CNTN4: variants seen among roughly 807,000 people sequenced by gnomAD.
CNTN4 encodes the protein contactin 4.
Under a neutral mutation model 122.5 loss-of-function variants are expected in CNTN4, and 77 were observed. That is an observed-to-expected ratio of 0.63 (90% CI 0.52 to 0.76). The LOEUF (loss-of-function observed/expected upper bound fraction) is 0.76, where lower values mean the gene tolerates loss of function less well. Among genes scored for constraint, CNTN4 ranks in the 30% least tolerant of loss-of-function variants. CNTN4 has a pLI of 0.00. For synonymous variants in CNTN4, 512 were observed against 447.0 expected (o/e 1.15, Z -1.83); for missense variants, 1,256 against 1,259.1 (o/e 1.00, Z 0.04).
intron 6 of CNTN4, among the ~76,000 whole-genome samples, chr3:2,761,180 T>C (rs1462486422): frequency 6.6e-6 from 1 of 152,208 alleles, no homozygotes; most frequent in Non-Finnish European, 1.5e-5. Flanking sequence ...GCGGTTTTTC[T>C]ATCTCTACCA....
chr3:2,461,848 G>C (rs2049222794), intron 3 of CNTN4, among the ~76,000 whole-genome samples: 2 of 152,174 alleles, frequency 1.3e-5, no homozygotes, highest in South Asian at 2.1e-4. Context: ...CTGAGACCAA[G>C]TTGCTTAGGG....
rs1373423471 is a variant in CNTN4, at chr3:2,244,323, ACT to A, written c.-144-94854_-144-94853del. Among the ~76,000 whole-genome samples, 6 of 152,178 alleles carry A rather than the reference ACT, an allele frequency of 3.9e-5. No individual in the cohort carries two copies. In the East Asian group the frequency reaches 1.2e-3, roughly 29 times the overall value. On this transcript the variant is annotated intron_variant, in intron 2 of 24. Coordinates refer to ENST00000418658, the MANE Select transcript of CNTN4 (RefSeq NM_175607.3). ...TTTGGACTGTGGGTGACCACAGGTA[ACT>A]GAAGCTGTGGAAAGCAAAACCATGA...
rs116682494 is a variant in CNTN4, at chr3:2,210,673, A to C, written c.-145+110034A>C. ...GGGATTTACAGTCCAATGCAGCAAG[A>C]GTGAGAGTCTCAACTTTGCTTCACT... On this transcript the variant is annotated intron_variant, in intron 2 of 24. Coordinates refer to ENST00000418658, the MANE Select transcript of CNTN4 (RefSeq NM_175607.3). 1.8e-3 allele frequency among the ~76,000 whole-genome samples: 275 copies of C among 152,320 alleles called. 1 individual carries two copies. The highest frequency in any genetic ancestry group is 6.1e-3 in the African/African-American group (254 of 41,574).
At chr3:2,501,019 C>T (rs1257372218) in intron 3 of CNTN4, among the ~76,000 whole-genome samples, 1 of 152,044 alleles carries the variant, frequency 6.6e-6, no homozygotes, top group African/African-American at 2.4e-5. Context: ...TATTTTATAT[C>T]TTTCAGGTTC....
intron 8 of CNTN4, among the ~76,000 whole-genome samples, chr3:2,873,926 A>T (rs1402494832): frequency 6.6e-6 from 1 of 152,180 alleles, no homozygotes; most frequent in Non-Finnish European, 1.5e-5. Context: ...TCTAATTGCA[A>T]CCTTTGTGTG....
At chr3:3,042,780 C>G in intron 21 of CNTN4, 197 bp from the exon 22 acceptor site, 1 of 617,134 alleles carries the variant, frequency 1.6e-6, no homozygotes, top group Non-Finnish European at 2.9e-6. Flanking sequence ...CACTAGGAAG[C>G]TAAGGACAAA....
intron 3 of CNTN4, among the ~76,000 whole-genome samples, chr3:2,352,813 C>A (rs947955125): frequency 1.3e-5 from 2 of 152,190 alleles, no homozygotes; most frequent in Non-Finnish European, 2.9e-5. Flanking sequence ...ATCTACTAGG[C>A]GAAGCCAGCT....
At chr3:2,268,348 A>G (rs964060702) in intron 2 of CNTN4, among the ~76,000 whole-genome samples, 2 of 152,140 alleles carry the variant, frequency 1.3e-5, no homozygotes, top group Non-Finnish European at 2.9e-5. Context: ...ATGCTTTTCA[A>G]TATCTAGTAT....
intron 3 of CNTN4, among the ~76,000 whole-genome samples, chr3:2,511,147 G>T (rs776000678): frequency 6.6e-6 from 1 of 152,082 alleles, no homozygotes; most frequent in Non-Finnish European, 1.5e-5. Context: ...CAGACAAACC[G>T]AATCATAGGG....
chr3:2,994,831 G>T (rs1404873333), intron 14 of CNTN4, among the ~76,000 whole-genome samples: 2 of 152,028 alleles, frequency 1.3e-5, no homozygotes, highest in Non-Finnish European at 2.9e-5. Flanking sequence ...AACTGTTCAA[G>T]GCTTTATACA....
chr3:2,895,478 C>T (rs758531905), intron 10 of CNTN4, among the ~76,000 whole-genome samples: 7 of 152,148 alleles, frequency 4.6e-5, no homozygotes, highest in Non-Finnish European at 1.0e-4. Flanking sequence ...GAGTTGCCTT[C>T]TAGTGTATCT....
intron 23 of CNTN4, among the ~76,000 whole-genome samples, chr3:3,050,763 C>CAAAAAAAAAAAAAAA (rs1184756504): frequency 2.4e-5 from 2 of 85,038 alleles, no homozygotes; most frequent in African/African-American, 5.5e-5. Flanking sequence ...AACTCCGTCT[C>CAAAAAAAAAAAAAAA]AAAAAAAAAA....
At chr3:3,028,725 TTAA>T (rs1251092602) in intron 15 of CNTN4, among the ~76,000 whole-genome samples, 9 of 152,198 alleles carry the variant, frequency 5.9e-5, no homozygotes, top group African/African-American at 1.7e-4. Context: ...ATCAATAATC[TTAA>T]TAATGATGAT....
intron 2 of CNTN4, among the ~76,000 whole-genome samples, chr3:2,253,441 A>T (rs2149694413): frequency 6.6e-6 from 1 of 152,312 alleles, no homozygotes; most frequent in African/African-American, 2.4e-5. Flanking sequence ...ACAAAAGAAC[A>T]AATATTCTGC....
chr3:2,613,443 G>C (rs2081582416), intron 4 of CNTN4, among the ~76,000 whole-genome samples: 1 of 151,212 alleles, frequency 6.6e-6, no homozygotes, highest in Admixed American at 6.6e-5. Flanking sequence ...GATTCCAGTA[G>C]AAAAAAAAGA....
intron 5 of CNTN4, among the ~76,000 whole-genome samples, chr3:2,743,175 C>A (rs553540752): frequency 4.6e-5 from 7 of 151,970 alleles, no homozygotes; most frequent in Non-Finnish European, 8.8e-5. Context: ...CATTATGTTG[C>A]GATTTCCTTT....
At chr3:2,527,950 G>T (rs568962183) in intron 3 of CNTN4, among the ~76,000 whole-genome samples, 2 of 152,012 alleles carry the variant, frequency 1.3e-5, no homozygotes, top group African/African-American at 2.4e-5. Context: ...GTCCCTTCCC[G>T]ATGTCTCCCT....
At chr3:2,550,084 C>T (rs989076673) in intron 3 of CNTN4, among the ~76,000 whole-genome samples, 1 of 152,052 alleles carries the variant, frequency 6.6e-6, no homozygotes, top group Non-Finnish European at 1.5e-5. Flanking sequence ...TTTGATTCTT[C>T]TCTCTTTTCT....
At chr3:2,271,479 C>T (rs1004727078) in intron 2 of CNTN4, among the ~76,000 whole-genome samples, 12 of 152,058 alleles carry the variant, frequency 7.9e-5, no homozygotes, top group African/African-American at 2.9e-4. Context: ...GCCTCCATTT[C>T]TTCATTTGTT....
Sources: gnomAD v4.1 joint callset for allele counts (sites outside exome capture counted in the v4.1 genomes callset) on GRCh38, gnomAD v4.1.1 for gene constraint, MANE v1.5 for transcripts, NCBI Gene and HGNC (gene_info 2026-07-23, HGNC 2026-07-21) for gene names.